The following CNKSR2 variants were observed in gnomAD, a reference collection of about 807,000 sequenced individuals.
CNKSR2 encodes connector enhancer of kinase suppressor of Ras 2, also known as CNK homolog protein 2.
In CNKSR2, 14 loss-of-function variants were observed where a neutral mutation model predicts 84.4. The ratio of observed to expected loss-of-function variants is 0.17; its 90% CI spans 0.11 to 0.26. The LOEUF (loss-of-function observed/expected upper bound fraction) is 0.26. CNKSR2 is among the 10% of genes least tolerant of loss of function. CNKSR2 has a pLI of 1.00. For synonymous variants in CNKSR2, 275 were observed against 277.9 expected, an observed-to-expected ratio of 0.99 and a Z score of 0.10; for missense variants, 485 against 771.2, an observed-to-expected ratio of 0.63 and a Z score of 4.40.
chrX:21,644,786 TC>T lies in CNKSR2; in HGVS notation c.2693-4044del, dbSNP rs1429629660. ...GTTTTATCTCTCATCCTTTTGAATT[TC>T]TTTCTGTGTATGTTTTATAACTTCT... On this transcript the variant is annotated intron_variant, in intron 20 of 21. Transcript: ENST00000379510. The T allele has an allele frequency of 8.0e-5, 9 of 112,077 alleles. No homozygotes were observed. In the South Asian group the frequency reaches 2.2e-3, roughly 27 times the overall value. 9.2% of individuals were successfully genotyped at this position (112,077 alleles called of 1,213,427 possible). A position where few individuals can be genotyped will look rare whatever the true frequency, so the allele number is the denominator to read the frequency against.
At chrX:21,427,477 C>A (rs2090580787) in intron 2 of CNKSR2, 1 of 111,081 alleles carries the variant, frequency 9.0e-6, no homozygotes, top group African/African-American at 3.3e-5. Flanking sequence ...CTTCTACATA[C>A]CATTATGAAA....
intron 20 of CNKSR2, chrX:21,641,417 A>G (rs2092691207): frequency 2.2e-6 from 2 of 901,082 alleles, no homozygotes; most frequent in Non-Finnish European, 3.1e-6. Flanking sequence ...ATATTTTTCT[A>G]CTTTCTCTTC....
intron 5 of CNKSR2, among the ~76,000 whole-genome samples, chrX:21,480,664 C>G (rs1318037625): frequency 9.0e-6 from 1 of 111,437 alleles, no homozygotes; most frequent in East Asian, 2.8e-4. Flanking sequence ...AGTGGTGGAG[C>G]CTCTTGTCCC....
intron 8 of CNKSR2, among the ~76,000 whole-genome samples, chrX:21,508,961 G>C (rs1462173726): frequency 8.9e-6 from 1 of 111,754 alleles, no homozygotes; most frequent in Non-Finnish European, 1.9e-5. Flanking sequence ...TTGAATGTGG[G>C]GCAAAAAGAT....
chrX:21,606,589 G>A (rs1208826455), intron 18 of CNKSR2, 190 bp from the exon 19 acceptor site: 3 of 346,884 alleles, frequency 8.6e-6, no homozygotes, highest in Non-Finnish European at 1.5e-5. Context: ...TTAGGTGATT[G>A]TACACTTACT....
intron 4 of CNKSR2, among the ~76,000 whole-genome samples, chrX:21,451,731 G>A (rs1418679191): frequency 9.7e-6 from 1 of 103,445 alleles, no homozygotes; most frequent in Non-Finnish European, 2.0e-5. Flanking sequence ...ATAGCATTAG[G>A]AGATATACCT....
chrX:21,451,161 A>T (rs2090922637), intron 4 of CNKSR2, among the ~76,000 whole-genome samples: 1 of 112,160 alleles, frequency 8.9e-6, no homozygotes, highest in Admixed American at 9.5e-5. Context: ...TAACAGATAA[A>T]TTCAGATTAT....
intron 7 of CNKSR2, among the ~76,000 whole-genome samples, chrX:21,498,636 G>T (rs1164950986): frequency 8.9e-6 from 1 of 111,824 alleles, no homozygotes; most frequent in Non-Finnish European, 1.9e-5. Flanking sequence ...GCTAAGAAAA[G>T]GCCATGCTAT....
intron 10 of CNKSR2, among the ~76,000 whole-genome samples, chrX:21,529,325 A>T (rs971433367): frequency 9.0e-6 from 1 of 111,323 alleles, no homozygotes; most frequent in Non-Finnish European, 1.9e-5. Context: ...TTGGCATTTT[A>T]TTATATGTCT....
intron 11 of CNKSR2, among the ~76,000 whole-genome samples, chrX:21,548,329 G>T (rs1051389026): frequency 2.7e-5 from 3 of 111,501 alleles, no homozygotes; most frequent in Non-Finnish European, 5.7e-5. Flanking sequence ...GAAGAAATGG[G>T]TAAATTCCTG....
chrX:21,642,005 A>G, intron 20 of CNKSR2: 2 of 759,560 alleles, frequency 2.6e-6, no homozygotes, highest in African/African-American at 4.5e-5. Context: ...GATCAGCTTC[A>G]ATAACTAGAA....
At chrX:21,387,674 CT>C (rs978582182) in intron 1 of CNKSR2, among the ~76,000 whole-genome samples, 1 of 110,810 alleles carries the variant, frequency 9.0e-6, no homozygotes, top group African/African-American at 3.3e-5. Context: ...CTAGCTCATT[CT>C]TTTTTCCTAT....
intron 20 of CNKSR2, among the ~76,000 whole-genome samples, chrX:21,613,640 G>A (rs973295827): frequency 1.8e-5 from 2 of 112,384 alleles, no homozygotes; most frequent in Non-Finnish European, 3.8e-5. Context: ...TATATTTTAA[G>A]GTTATTTTTA....
At chrX:21,476,371 G>T (rs2091260794) in intron 5 of CNKSR2, among the ~76,000 whole-genome samples, 1 of 111,223 alleles carries the variant, frequency 9.0e-6, no homozygotes, top group Non-Finnish European at 1.9e-5. Flanking sequence ...CAATTAATTT[G>T]CATTTCTTTC....
intron 4 of CNKSR2, among the ~76,000 whole-genome samples, chrX:21,445,696 A>G (rs1015848615): frequency 2.7e-5 from 3 of 111,993 alleles, no homozygotes; most frequent in African/African-American, 9.7e-5. Context: ...GAAAACATGT[A>G]ATATTTATCT....
At chrX:21,391,524 G>A (rs1238944743) in intron 1 of CNKSR2, among the ~76,000 whole-genome samples, 1 of 112,015 alleles carries the variant, frequency 8.9e-6, no homozygotes, top group Non-Finnish European at 1.9e-5. Flanking sequence ...CGCAGCTGGA[G>A]CTGGAGTGGC....
chrX:21,638,332 C>A (rs767484962), intron 20 of CNKSR2, among the ~76,000 whole-genome samples: 2 of 111,524 alleles, frequency 1.8e-5, no homozygotes, highest in South Asian at 7.6e-4. Context: ...TCTATTTCTT[C>A]TTATTATTTG....
chrX:21,514,703 C>T (rs2091709381), intron 8 of CNKSR2, among the ~76,000 whole-genome samples: 1 of 111,535 alleles, frequency 9.0e-6, no homozygotes, highest in Non-Finnish European at 1.9e-5. Context: ...GTGGCCATCA[C>T]ATTGACCACT....
intron 20 of CNKSR2, among the ~76,000 whole-genome samples, chrX:21,625,050 A>C (rs2092617237): frequency 8.9e-6 from 1 of 112,125 alleles, no homozygotes; most frequent in South Asian, 3.7e-4. Context: ...TTACCCACTA[A>C]TATTATAAGG....
Sources: gnomAD v4.1 joint callset for allele counts (sites outside exome capture counted in the v4.1 genomes callset) on GRCh38, gnomAD v4.1.1 for gene constraint, MANE v1.5 for transcripts, NCBI Gene and HGNC (gene_info 2026-07-23, HGNC 2026-07-21) for gene names.